The following RBM20 variants were observed in gnomAD, a reference collection of about 807,000 sequenced individuals.
RBM20 encodes the protein RNA-binding protein 20.
Under a neutral mutation model 110.1 loss-of-function variants are expected in RBM20, and 51 were observed. The observed-to-expected ratio is 0.46, with a 90% CI of 0.37 to 0.59. The LOEUF (loss-of-function observed/expected upper bound fraction) is 0.59. RBM20 is among the 20% of genes least tolerant of loss of function. The pLI is 0.00. For synonymous variants in RBM20, 589 were observed against 618.2 expected (o/e 0.95, Z 0.70); for missense variants, 1,512 against 1,574.9 (o/e 0.96, Z 0.68).
At chr10:110,827,383 G>A (rs986185005) in intron 12 of RBM20, among the ~76,000 whole-genome samples, 7 of 150,312 alleles carry the variant, frequency 4.7e-5, no homozygotes, top group African/African-American at 1.7e-4. Context: ...GTGAGACCCT[G>A]TCTCAGAAAA....
rs545967796 is a variant in RBM20, at chr10:110,762,532, G to A, written c.192-18269G>A. 2.8e-3 allele frequency among the ~76,000 whole-genome samples: 430 copies of A among 152,332 alleles called. 2 individuals carry two copies. The highest frequency in any genetic ancestry group is 8.0e-3 in the African/African-American group (334 of 41,578). ...TCTCCTGGGAATTGCACTCCAGGCCGTGTATGAGGGTTCCTTTTATTTCAA... is the reference window on the plus strand; with the variant it reads ...TCTCCTGGGAATTGCACTCCAGGCCATGTATGAGGGTTCCTTTTATTTCAA... On this transcript the variant is annotated intron_variant, in intron 1 of 13. Coordinates refer to ENST00000369519, the MANE Select transcript of RBM20 (RefSeq NM_001134363.3).
chr10:110,668,368 C>T (rs1396371386), intron 1 of RBM20, among the ~76,000 whole-genome samples: 1 of 152,132 alleles, frequency 6.6e-6, no homozygotes, highest in Non-Finnish European at 1.5e-5. Flanking sequence ...AGTCATAATA[C>T]TGAAAAGCAT....
At chr10:110,833,849 A>G (rs1301685486) in intron 13 of RBM20, among the ~76,000 whole-genome samples, 1 of 152,200 alleles carries the variant, frequency 6.6e-6, no homozygotes, top group Non-Finnish European at 1.5e-5. Context: ...AGTTTCCACC[A>G]CAGGCTTCCC....
At chr10:110,715,135 C>T (rs1862995868) in intron 1 of RBM20, among the ~76,000 whole-genome samples, 1 of 152,122 alleles carries the variant, frequency 6.6e-6, no homozygotes, top group African/African-American at 2.4e-5. Flanking sequence ...GTAATCCCAG[C>T]TACTTGGGAG....
Position 110,781,179 on chromosome 10 carries a change from AC to A in RBM20, c.573del (p.Ser192ValfsTer4). 6.4e-7 allele frequency: 1 copy of A among 1,551,320 alleles called. No individual in the cohort carries two copies. On this transcript the variant is annotated frameshift_variant, in exon 2 of 14. Transcript: ENST00000369519. LOFTEE classifies it high-confidence loss of function. ...GPSMNLPNQP[P>X]SAMVMHPFTG... Reference sequence around the variant, plus strand: ...CCTCCATGAACCTTCCCAACCAGCCACCCAGTGCCATGGTGATGCATCCTTT... The same window carrying A: ...CCTCCATGAACCTTCCCAACCAGCCACCAGTGCCATGGTGATGCATCCTTT...
At position 110,747,252 on chromosome 10, in the gene RBM20, C is replaced by G. The variant is rs548545883; in HGVS notation, c.192-33549C>G. Among the ~76,000 whole-genome samples, 2 of 150,158 alleles carry G rather than the reference C, an allele frequency of 1.3e-5. 1 individual carries two copies. Among genetic ancestry groups the G allele is most frequent in the South Asian group, 4.2e-4 (2 of 4,766 alleles). ...TGTGTATTACTGGTATTTGCATCAT[C>G]ATTTGGGAGAAAAGTTGAGCATTGA... On this transcript the variant is annotated intron_variant, in intron 1 of 13. Transcript: ENST00000369519.
At chr10:110,714,499 A>G (rs1862987494) in intron 1 of RBM20, among the ~76,000 whole-genome samples, 1 of 152,136 alleles carries the variant, frequency 6.6e-6, no homozygotes, top group East Asian at 1.9e-4. Context: ...TTCCAACCCA[A>G]GGTACTCCTA....
chr10:110,674,714 G>A (rs183354313), intron 1 of RBM20, among the ~76,000 whole-genome samples: 2 of 152,300 alleles, frequency 1.3e-5, no homozygotes, highest in Admixed American at 6.5e-5. Flanking sequence ...CACATACAAG[G>A]TCTGGTGTTT....
chr10:110,791,489 A>T (rs570117089), intron 5 of RBM20, among the ~76,000 whole-genome samples: 57 of 151,152 alleles, frequency 3.8e-4, no homozygotes, highest in Non-Finnish European at 6.5e-4. Context: ...TCTTATTTGA[A>T]CTCGGGCCTC....
chr10:110,789,517 G>A (rs1395218516), intron 5 of RBM20, among the ~76,000 whole-genome samples: 1 of 151,790 alleles, frequency 6.6e-6, no homozygotes, highest in African/African-American at 2.4e-5. Context: ...GAGTGCAGTG[G>A]CATGATCATG....
chr10:110,692,862 T>C (rs1056590557), intron 1 of RBM20, among the ~76,000 whole-genome samples: 6 of 150,452 alleles, frequency 4.0e-5, no homozygotes, highest in Non-Finnish European at 7.4e-5. Context: ...TTGTTTTGTT[T>C]TGTTTTACCA....
chr10:110,820,358 T>G (rs1216278992), intron 10 of RBM20, among the ~76,000 whole-genome samples, 182 bp downstream of exon 10: 1 of 152,130 alleles, frequency 6.6e-6, no homozygotes, highest in Non-Finnish European at 1.5e-5. Context: ...CTTCGGACAG[T>G]TTTTATTGAA....
intron 7 of RBM20, among the ~76,000 whole-genome samples, chr10:110,804,462 C>A (rs1844670566): frequency 6.6e-6 from 1 of 152,202 alleles, no homozygotes; most frequent in African/African-American, 2.4e-5. Flanking sequence ...CTAACTTTAT[C>A]TTTTGCTCAC....
chr10:110,793,760 G>A (rs898104163), intron 5 of RBM20, among the ~76,000 whole-genome samples: 1 of 152,240 alleles, frequency 6.6e-6, no homozygotes, highest in Non-Finnish European at 1.5e-5. Flanking sequence ...GATGTGCTAA[G>A]TTAAAATGCA....
intron 9 of RBM20, 35 bp downstream of exon 9, chr10:110,812,982 C>T (rs1844795267): frequency 1.5e-6 from 2 of 1,367,214 alleles, no homozygotes; most frequent in East Asian, 2.5e-5. Context: ...TAAGGCGAGG[C>T]AGGCCCTGAA....
chr10:110,795,390 C>G (rs929919394), intron 5 of RBM20, among the ~76,000 whole-genome samples: 2 of 152,194 alleles, frequency 1.3e-5, no homozygotes, highest in Non-Finnish European at 1.5e-5. Context: ...AATCCTTGCT[C>G]CCCTTTGGGA....
At chr10:110,661,122 G>A (rs1172701357) in intron 1 of RBM20, among the ~76,000 whole-genome samples, 1 of 152,126 alleles carries the variant, frequency 6.6e-6, no homozygotes, top group Non-Finnish European at 1.5e-5. Context: ...GTGAACTATA[G>A]GTAAAAATAC....
At position 110,812,638 on chromosome 10, in the gene RBM20, C is replaced by T. The variant is rs2135105227; in HGVS notation, c.2241C>T (p.His747=). ...YPRSGSPNLP[H]SVSSYKSRED... The stretch of plus-strand genomic sequence containing the variant: ...GATCTGGGTCTCCCAACCTGCCCCA[C>T]TCTGTGTCCAGCTACAAAAGCCGTG... Residue 747 remains histidine (H), a synonymous_variant, in exon 9 of 14, where the codon CAC becomes CAT. Transcript: ENST00000369519. 4 of 1,551,724 alleles carry T rather than the reference C, an allele frequency of 2.6e-6. No individual in the cohort carries two copies. Among genetic ancestry groups the T allele is most frequent in the African/African-American group, 1.4e-5 (1 of 73,170 alleles).
intron 6 of RBM20, 27 bp downstream of exon 6, chr10:110,797,675 G>A: frequency 1.9e-6 from 3 of 1,548,752 alleles, no homozygotes; most frequent in Non-Finnish European, 2.6e-6. Flanking sequence ...TCACTCCAGT[G>A]TATATGCCAC....
Sources: gnomAD v4.1 joint callset for allele counts (sites outside exome capture counted in the v4.1 genomes callset) on GRCh38, gnomAD v4.1.1 for gene constraint, MANE v1.5 for transcripts, NCBI Gene and HGNC (gene_info 2026-07-23, HGNC 2026-07-21) for gene names.